Variants in PLCH2 observed in about 807,000 individuals in gnomAD.
PLCH2 encodes phospholipase C eta 2, also known as 1-phosphatidylinositol 4,5-bisphosphate phosphodiesterase eta-2.
PLCH2 carries 98 observed loss-of-function variants against 134.7 expected under a neutral mutation model. The ratio of observed to expected loss-of-function variants is 0.73; its 90% CI spans 0.62 to 0.86. PLCH2 has a LOEUF of 0.86. Among genes scored for constraint, PLCH2 ranks in the 40% least tolerant of loss-of-function variants. PLCH2 has a pLI of 0.00. For synonymous variants in PLCH2, 974 were observed against 827.5 expected (o/e 1.18, Z -3.04); for missense variants, 1,994 against 1,986.6 (o/e 1.00, Z -0.07).
chr1:2,504,950 G>T lies in PLCH2; in HGVS notation c.3988G>T (p.Gly1330Trp), dbSNP rs1643461344. The T allele has an allele frequency of 5.8e-6, 9 of 1,560,816 alleles. No individual in the cohort carries two copies. The highest frequency in any genetic ancestry group is 2.3e-5 in the East Asian group (1 of 42,698). Residue 1330 changes from glycine (G) to tryptophan (W), a missense_variant, in exon 22 of 22, where the codon GGG becomes TGG. Transcript: ENST00000378486. ...SLGPAGEGVA[G>W]GPGFVRRSSS... ...GGGCCCGGCTGGGGAGGGGGTGGCAGGGGGCCCTGGTTTTGTGCGGCGCTC... is the reference window on the plus strand; with the variant it reads ...GGGCCCGGCTGGGGAGGGGGTGGCATGGGGCCCTGGTTTTGTGCGGCGCTC...
chr1:2,472,823 G>C (rs1016307810), upstream of PLCH2, among the ~76,000 whole-genome samples: 1 of 152,178 alleles, frequency 6.6e-6, no homozygotes, highest in Non-Finnish European at 1.5e-5. Context: ...CGCTCGTGAA[G>C]GGAAGAGGTT....
At position 2,478,491 on chromosome 1, in the gene PLCH2, G is replaced by T; in HGVS notation, c.140G>T (p.Gly47Val). Reference sequence around the variant, plus strand: ...CCGTGTCCAGTGGAGCGGTGCATGGGTGCCATGCAAGAGGGGATGCAGATG... The same window carrying T: ...CCGTGTCCAGTGGAGCGGTGCATGGTTGCCATGCAAGAGGGGATGCAGATG... ...QLGPLVERCM[G>V]AMQEGMQMVK... The change falls in exon 2 of 22, where the codon GGT (glycine) becomes GTT (valine). Residue 47 changes from glycine to valine, a missense_variant. Gly to Val is a moderately radical substitution (Grantham distance 109). This residue lies in a region of PLCH2 where 1,094 missense variants were observed against 1,234.3 expected (regional missense o/e 0.89). Transcript: ENST00000378486. 1 of 1,612,632 alleles carries T rather than the reference G, an allele frequency of 6.2e-7. No individual in the cohort carries two copies. Among genetic ancestry groups the T allele is most frequent in the South Asian group, 1.1e-5 (1 of 91,074 alleles).
At position 2,486,023 on chromosome 1, in the gene PLCH2, G is replaced by A. The variant is rs72848518; in HGVS notation, c.817-884G>A. Among the ~76,000 whole-genome samples, 1,397 of 152,252 alleles carry A rather than the reference G, an allele frequency of 9.2e-3. 16 individuals carry two copies. Among genetic ancestry groups the A allele is most frequent in the African/African-American group, 0.032 (1,318 of 41,544 alleles). On this transcript the variant is annotated intron_variant, in intron 5 of 21. Transcript: ENST00000378486. The stretch of plus-strand genomic sequence containing the variant: ...AGGCAGGGGAAGCTAGCACCAGTTG[G>A]CTAGACCCCACTGTCTCGGATGCCC...
intron 1 of PLCH2, among the ~76,000 whole-genome samples, chr1:2,429,792 C>T (rs944931947): frequency 6.6e-6 from 1 of 152,164 alleles, no homozygotes; most frequent in Non-Finnish European, 1.5e-5. Flanking sequence ...ATGCCTGTGG[C>T]TCCTCCTCGG....
chr1:2,478,531 C>T lies in PLCH2; in HGVS notation c.180C>T (p.Gly60=), dbSNP rs752018206. 3.5e-5 allele frequency: 56 copies of T among 1,612,806 alleles called. No homozygotes were observed. Among genetic ancestry groups the T allele is most frequent in the South Asian group, 4.4e-5 (4 of 91,082 alleles). ...QEGMQMVKLR[G]GSKGLVRFYY... is the part of the protein sequence containing the mutation. The stretch of plus-strand genomic sequence containing the variant: ...GGATGCAGATGGTGAAGCTGCGTGG[C>T]GGCTCCAAGGGCCTGGTCCGCTTCT... The change falls in exon 2 of 22, where the codon GGC becomes GGT. Residue 60 remains glycine (G), a synonymous_variant. Coordinates refer to ENST00000378486, the MANE Select transcript of PLCH2 (RefSeq NM_014638.4).
upstream of PLCH2, among the ~76,000 whole-genome samples, chr1:2,466,001 C>G (rs537097708): frequency 1.3e-5 from 2 of 152,356 alleles, no homozygotes; most frequent in East Asian, 3.9e-4. Context: ...GCTGCTGGCC[C>G]TTTCCTGAGT....
upstream of PLCH2, among the ~76,000 whole-genome samples, chr1:2,473,993 C>T (rs1641478181): frequency 2.0e-5 from 3 of 152,240 alleles, no homozygotes; most frequent in Admixed American, 2.0e-4. Flanking sequence ...TGGCTGAGGG[C>T]TGGGCCCCTG....
At chr1:2,425,990 G>A (rs1038833306) in exon 1 of PLCH2, 1 of 152,272 alleles carries the variant, frequency 6.6e-6, no homozygotes, top group Non-Finnish European at 1.5e-5. Context: ...GCCCTTTGCT[G>A]CGGCAGCTTT....
chr1:2,460,677 C>T (rs1640767167), intron 2 of PLCH2, among the ~76,000 whole-genome samples: 1 of 152,206 alleles, frequency 6.6e-6, no homozygotes, highest in African/African-American at 2.4e-5. Flanking sequence ...CCTGATGACC[C>T]TGGTGGAGGC....
rs138798048 is a variant in PLCH2, at chr1:2,462,078, G to A, written c.116-16398G>A. On this transcript the variant is annotated intron_variant, in intron 2 of 3. Transcript: ENST00000609981. Reference sequence around the variant, plus strand: ...CACCTCCTCCACCTGACACCACTCCGCTTGACAACCCTCCACCTGACACCC... The same window carrying A: ...CACCTCCTCCACCTGACACCACTCCACTTGACAACCCTCCACCTGACACCC... Among the ~76,000 whole-genome samples, 28 of 113,606 alleles carry A rather than the reference G, an allele frequency of 2.5e-4. 1 individual carries two copies. Among genetic ancestry groups the A allele is most frequent in the African/African-American group, 8.6e-4 (24 of 27,786 alleles). The allele number at this position is 113,606 out of a possible 152,430, so 74.5% of individuals were successfully genotyped here. A position where few individuals can be genotyped will look rare whatever the true frequency, so the allele number is the denominator to read the frequency against.
chr1:2,419,583 C>A, the PLCH2 span, among the ~76,000 whole-genome samples: 19 of 152,046 alleles, frequency 1.2e-4, no homozygotes, highest in Non-Finnish European at 1.0e-4. Flanking sequence ...GGAAGGGGAG[C>A]AGGCAGGGGC....
Position 2,498,409 on chromosome 1 carries a change from C to T in PLCH2, c.2225-114C>T, listed in dbSNP as rs1474399595. On this transcript the variant is annotated intron_variant, in intron 16 of 21. Transcript: ENST00000378486. This position sits in a 1 kb window ranked among gnomAD's most constrained non-coding sequence, Gnocchi z 5.4. The stretch of plus-strand genomic sequence containing the variant: ...CTGCCTCCCTCCCTCCCCCTGGCAC[C>T]GGCTCCAGTCTCCTATGTGGGGGCT... 8.1e-6 allele frequency: 10 copies of T among 1,241,034 alleles called. No homozygotes were observed. The highest frequency in any genetic ancestry group is 5.1e-5 in the East Asian group (2 of 39,214). 76.9% of individuals were successfully genotyped at this position (1,241,034 alleles called of 1,614,324 possible). A position where few individuals can be genotyped will look rare whatever the true frequency, so the allele number is the denominator to read the frequency against.
intron 2 of PLCH2, among the ~76,000 whole-genome samples, chr1:2,449,138 A>ACCCCC (rs1162605399): frequency 1.2e-5 from 1 of 80,866 alleles, no homozygotes. Context: ...CAGCACCCCC[A>ACCCCC]CCCCCCGCCC....
intron 15 of PLCH2, 86 bp downstream of exon 15, chr1:2,497,096 G>A (rs532802066): frequency 1.2e-4 from 157 of 1,350,478 alleles, no homozygotes; most frequent in Admixed American, 7.4e-4. Context: ...CAGGGGACCC[G>A]CTGGGGCCTC....
intron 1 of PLCH2, among the ~76,000 whole-genome samples, chr1:2,470,580 C>T (rs1409701548): frequency 6.6e-6 from 1 of 152,156 alleles, no homozygotes; most frequent in African/African-American, 2.4e-5. Flanking sequence ...ACGGATGTGG[C>T]GGGCTCAGCC....
At chr1:2,426,525 G>A (rs552891973) in intron 1 of PLCH2, among the ~76,000 whole-genome samples, 3 of 152,230 alleles carry the variant, frequency 2.0e-5, no homozygotes, top group East Asian at 1.9e-4. Context: ...GGAGTCCCCG[G>A]CCTACACACA....
chr1:2,473,470 A>T (rs986052105), upstream of PLCH2, among the ~76,000 whole-genome samples: 2 of 152,210 alleles, frequency 1.3e-5, no homozygotes, highest in Admixed American at 1.3e-4. Context: ...ATCTGGGTGC[A>T]TCTGTGTGGG....
chr1:2,425,264 C>T (rs566112097), upstream of PLCH2, among the ~76,000 whole-genome samples: 1 of 143,440 alleles, frequency 7.0e-6, no homozygotes, highest in African/African-American at 3.0e-5. Flanking sequence ...CATACATACA[C>T]ACATATACAC....
At position 2,439,473 on chromosome 1, in the gene PLCH2, C is replaced by T. The variant is rs1474781689; in HGVS notation, c.115+8844C>T. On this transcript the variant is annotated intron_variant, in intron 2 of 3. Transcript: ENST00000609981. This position sits in a 1 kb window ranked among gnomAD's most constrained non-coding sequence, Gnocchi z 4.7. ...CGTTGTCTTGAGTTCTGATTGAGAA[C>T]GGGACGTCTTCAGACCAGATGCTGG... 2.6e-5 allele frequency among the ~76,000 whole-genome samples: 4 copies of T among 152,358 alleles called. No homozygotes were observed. Among genetic ancestry groups the T allele is most frequent in the South Asian group, 2.1e-4 (1 of 4,834 alleles).
Sources: gnomAD v4.1 joint callset for allele counts (sites outside exome capture counted in the v4.1 genomes callset) on GRCh38, gnomAD v4.1.1 for gene constraint, gnomAD v4.1.1 regional missense constraint, Gnocchi (gnomAD v3.1) non-coding constraint, MANE v1.5 for transcripts, NCBI Gene and HGNC (gene_info 2026-07-23, HGNC 2026-07-21) for gene names.